The following CENATAC variants were observed in gnomAD, a reference collection of about 807,000 sequenced individuals.
CENATAC encodes the protein coiled-coil domain containing 84.
In CENATAC, 53 loss-of-function variants were observed where a neutral mutation model predicts 53.7. The observed-to-expected ratio is 0.99, with a 90% confidence interval of 0.79 to 1.24. The LOEUF is 1.24. CENATAC is among the 50% of genes most tolerant of loss of function. The probability of loss-of-function intolerance (pLI) is 0.00; values close to 1 mark genes in which losing one functional copy is unlikely to be tolerated. For missense variants in CENATAC, 474 were observed against 417.8 expected, an observed-to-expected ratio of 1.13 and a Z score of -1.17; for synonymous variants, 156 against 144.6, an observed-to-expected ratio of 1.08 and a Z score of -0.57.
chr11:119,006,241 T>C (rs2134545512), intron 3 of CENATAC, among the ~76,000 whole-genome samples: 1 of 148,836 alleles, frequency 6.7e-6, no homozygotes, highest in South Asian at 2.1e-4. Flanking sequence ...ACCCAACCTT[T>C]TTTTTTTTTT....
Position 119,011,954 on chromosome 11 carries a change from G to T in CENATAC, c.529G>T (p.Asp177Tyr), listed in dbSNP as rs1177787213. ...RSVLEPQAVP[D>Y]PEEGSSAPRS... ...TCAAACTCAGCCTCAGGCAGTGCCA[G>T]ACCCAGAAGAGGGCTCTTCAGCACC... Residue 177 changes from aspartate (D) to tyrosine (Y), a missense_variant, in exon 6 of 11, where the codon GAC (aspartate) becomes TAC (tyrosine). By Grantham distance (160) the Asp-to-Tyr change is radical. Coordinates refer to ENST00000334418, the MANE Select transcript of CENATAC (RefSeq NM_198489.3). The T allele has an allele frequency of 6.2e-7, 1 of 1,613,972 alleles. No homozygotes were observed. The highest frequency in any genetic ancestry group is 1.3e-5 in the African/African-American group (1 of 74,928).
intron 7 of CENATAC, 140 bp downstream of exon 7, chr11:119,012,394 GTTCTCAGACCTC>G: frequency 1.1e-6 from 1 of 897,536 alleles, no homozygotes; most frequent in Non-Finnish European, 1.7e-6. Flanking sequence ...CCCTAGTAGT[GTTCTCAGACCTC>G]TTCTCACCCT....
chr11:119,012,495 C>A, intron 7 of CENATAC: 1 of 429,354 alleles, frequency 2.3e-6, no homozygotes. Context: ...ACTCATAGTT[C>A]CAACTCAACA....
chr11:119,013,170 A>ATTT, intron 7 of CENATAC, 62 bp from the exon 8 acceptor site: 2 of 1,062,060 alleles, frequency 1.9e-6, no homozygotes, highest in Non-Finnish European at 2.7e-6. Context: ...CGTTTCTAGG[A>ATTT]TTTTTTTTTT....
At chr11:119,012,655 G>T in intron 7 of CENATAC, 1 of 174,570 alleles carries the variant, frequency 5.7e-6, no homozygotes. Context: ...TCAGCCTTTG[G>T]GCAATTTCTA....
chr11:119,011,903 TC>T (rs1222661584), intron 5 of CENATAC, 35 bp from the exon 6 acceptor site: 1 of 1,603,236 alleles, frequency 6.2e-7, no homozygotes, highest in Non-Finnish European at 8.5e-7. Context: ...CTCTTAAGCA[TC>T]CCAGACACAT....
intron 4 of CENATAC, 139 bp downstream of exon 4, chr11:119,010,969 C>A: frequency 1.3e-6 from 1 of 756,230 alleles, no homozygotes; most frequent in South Asian, 1.7e-5. Flanking sequence ...GCACTAGATT[C>A]TCATAAGGAG....
chr11:118,998,347 G>T (rs1330502786), intron 1 of CENATAC, 30 bp downstream of exon 1: 2 of 1,611,398 alleles, frequency 1.2e-6, no homozygotes, highest in African/African-American at 2.7e-5. Flanking sequence ...GATGGGATGG[G>T]AGTGCGGGGC....
intron 3 of CENATAC, chr11:119,003,621 C>CTTTCT: frequency 7.8e-6 from 1 of 128,460 alleles, no homozygotes; most frequent in East Asian, 2.4e-4. Context: ...ATTTCTCTCT[C>CTTTCT]TTTTTTTTTT....
chr11:119,010,599 C>A, intron 3 of CENATAC, 165 bp from the exon 4 acceptor site: 1 of 615,524 alleles, frequency 1.6e-6, no homozygotes, highest in Non-Finnish European at 2.9e-6. Context: ...GCCAGTATGG[C>A]AAAATGTTTA....
chr11:119,015,083 A>C lies in CENATAC; in HGVS notation c.805A>C (p.Lys269Gln), dbSNP rs782423969. 2 of 1,602,002 alleles carry C rather than the reference A, an allele frequency of 1.2e-6. No individual in the cohort carries two copies. Among genetic ancestry groups the C allele is most frequent in the Non-Finnish European group, 1.7e-6 (2 of 1,172,442 alleles). Reference sequence around the variant, plus strand: ...ATCCTATGAAGAATTTCTTAAAGAAAGTAAGTAAACTAATTCAAGAGAGGA... The same window carrying C: ...ATCCTATGAAGAATTTCTTAAAGAACGTAAGTAAACTAATTCAAGAGAGGA... Reference protein sequence around the residue: ...GPSYEEFLKEKEKQKLKKLPP... With the variant: ...GPSYEEFLKEQEKQKLKKLPP... Residue 269 changes from lysine to glutamine, a missense_variant and splice_region_variant, in exon 9 of 11, where the codon AAG becomes CAG. Coordinates refer to ENST00000334418, the MANE Select transcript of CENATAC (RefSeq NM_198489.3).
intron 3 of CENATAC, among the ~76,000 whole-genome samples, chr11:119,007,411 T>C (rs1942656619): frequency 6.6e-6 from 1 of 152,138 alleles, no homozygotes; most frequent in African/African-American, 2.4e-5. Context: ...CTCAAACTCC[T>C]GACCTCATGA....
chr11:119,010,960 C>G, intron 4 of CENATAC, 130 bp downstream of exon 4: 1 of 778,096 alleles, frequency 1.3e-6, no homozygotes, highest in Non-Finnish European at 2.1e-6. Context: ...GATCATCAGG[C>G]ACTAGATTCT....
chr11:119,010,881 G>C, intron 4 of CENATAC, 51 bp downstream of exon 4: 2 of 1,538,680 alleles, frequency 1.3e-6, no homozygotes, highest in Non-Finnish European at 9.0e-7. Context: ...GGCTGGTTTC[G>C]TGGAAGACGG....
chr11:119,001,906 AT>A (rs928121611), intron 3 of CENATAC: 111 of 242,130 alleles, frequency 4.6e-4, no homozygotes, highest in Middle Eastern at 1.8e-3. Context: ...AGAAATACGA[AT>A]TTTTTTTTAG....
At chr11:118,999,286 G>A in intron 3 of CENATAC, 177 bp downstream of exon 3, 4 of 552,714 alleles carry the variant, frequency 7.2e-6, no homozygotes, top group South Asian at 2.5e-5. Flanking sequence ...CAGTTCTTGA[G>A]GTTTAGTTGG....
intron 3 of CENATAC, among the ~76,000 whole-genome samples, chr11:119,000,420 A>G (rs1318164898): frequency 6.7e-6 from 1 of 149,196 alleles, no homozygotes; most frequent in Non-Finnish European, 1.5e-5. Context: ...AGGTGCAGTG[A>G]TAGCTTCATG....
At chr11:119,011,186 A>T in intron 4 of CENATAC, 35 bp from the exon 5 acceptor site, 1 of 1,594,296 alleles carries the variant, frequency 6.3e-7, no homozygotes, top group Non-Finnish European at 8.6e-7. Flanking sequence ...GGCCCCCATG[A>T]TCCTGTACCT....
chr11:119,015,331 T>A lies in CENATAC; in HGVS notation c.830T>A (p.Leu277His). 6.2e-7 allele frequency: 1 copy of A among 1,611,868 alleles called. No homozygotes were observed. The highest frequency in any genetic ancestry group is 8.5e-7 in the Non-Finnish European group (1 of 1,179,426). ...KEKEKQKLKK[L>H]PPDRVGANFD... ...GAGGAAAAACAGAAGTTGAAAAAAC[T>A]CCCCCCAGACCGAGTTGGGGCCAAC... Residue 277 changes from leucine (L) to histidine (H), a missense_variant, in exon 10 of 11, where the codon CTC becomes CAC. Physicochemically the swap from Leu to His is moderately conservative, Grantham distance 99. Coordinates refer to ENST00000334418, the MANE Select transcript of CENATAC (RefSeq NM_198489.3).
Sources: allele counts gnomAD v4.1 joint callset (sites outside exome capture counted in the v4.1 genomes callset), GRCh38; gene constraint gnomAD v4.1.1; transcripts MANE v1.5; gene names NCBI Gene and HGNC (gene_info 2026-07-23, HGNC 2026-07-21).